The following ARFIP1 variants were observed in gnomAD, a reference collection of about 807,000 sequenced individuals.
ARFIP1 encodes the protein ARF interacting protein 1.
In ARFIP1, 24 loss-of-function variants were observed where a neutral mutation model predicts 42.5. That is an observed-to-expected ratio of 0.57 (90% CI 0.41 to 0.80). The LOEUF (loss-of-function observed/expected upper bound fraction) is 0.80. Among genes scored for constraint, ARFIP1 ranks in the 30% least tolerant of loss-of-function variants. The probability of loss-of-function intolerance (pLI) is 0.00; values close to 1 mark genes in which losing one functional copy is unlikely to be tolerated. For missense variants in ARFIP1, 354 were observed against 434.0 expected (o/e 0.82, Z 1.64); for synonymous variants, 141 against 153.7 (o/e 0.92, Z 0.61).
intron 1 of ARFIP1, chr4:152,796,661 G>T: frequency 1.1e-6 from 1 of 882,388 alleles, no homozygotes; most frequent in Admixed American, 2.1e-5. Context: ...TTTTTTATTT[G>T]TATTTTCTCA....
chr4:152,867,533 G>A (rs889099742), intron 3 of ARFIP1, among the ~76,000 whole-genome samples: 2 of 150,860 alleles, frequency 1.3e-5, no homozygotes, highest in South Asian at 2.1e-4. Flanking sequence ...GAGGTGAGAC[G>A]GGAGAGGGGA....
intron 6 of ARFIP1, 35 bp downstream of exon 6, chr4:152,881,219 G>T (rs1347594240): frequency 1.4e-6 from 2 of 1,460,992 alleles, no homozygotes; most frequent in Non-Finnish European, 1.9e-6. Flanking sequence ...AGGGATGGGA[G>T]AAAATGATAA....
intron 8 of ARFIP1, among the ~76,000 whole-genome samples, chr4:152,908,767 A>G (rs1289583601): frequency 1.3e-5 from 2 of 152,132 alleles, no homozygotes; most frequent in Non-Finnish European, 2.9e-5. Flanking sequence ...TTGCCCTTGA[A>G]GCGCTCCCTA....
intron 7 of ARFIP1, among the ~76,000 whole-genome samples, chr4:152,887,827 T>C (rs1043529293): frequency 6.6e-6 from 1 of 152,072 alleles, no homozygotes; most frequent in African/African-American, 2.4e-5. Flanking sequence ...GTATTTATTC[T>C]ACCCTTGATC....
At chr4:152,872,036 C>T (rs1412570501) in intron 4 of ARFIP1, among the ~76,000 whole-genome samples, 1 of 152,108 alleles carries the variant, frequency 6.6e-6, no homozygotes, top group African/African-American at 2.4e-5. Flanking sequence ...CTGCACATTA[C>T]AGTGAAAGAT....
chr4:152,858,647 C>G (rs1170808496), intron 2 of ARFIP1, among the ~76,000 whole-genome samples: 3 of 152,122 alleles, frequency 2.0e-5, no homozygotes, highest in Non-Finnish European at 4.4e-5. Flanking sequence ...TTTATCTATT[C>G]AAATATTTAT....
intron 5 of ARFIP1, among the ~76,000 whole-genome samples, chr4:152,880,123 G>T (rs1173516709): frequency 6.6e-6 from 1 of 152,170 alleles, no homozygotes; most frequent in East Asian, 1.9e-4. Context: ...AGGTTGATCA[G>T]TTGAGCCCAG....
intron 8 of ARFIP1, among the ~76,000 whole-genome samples, chr4:152,897,158 A>G (rs1257203250): frequency 2.0e-5 from 3 of 152,220 alleles, no homozygotes; most frequent in Non-Finnish European, 4.4e-5. Context: ...CCATACAACC[A>G]AAAAGAATTG....
chr4:152,864,093 TAC>T (rs1375440810), intron 3 of ARFIP1, among the ~76,000 whole-genome samples: 1 of 152,202 alleles, frequency 6.6e-6, no homozygotes, highest in Non-Finnish European at 1.5e-5. Context: ...ATGAACTTTT[TAC>T]GTTATATAGG....
At chr4:152,854,286 A>G (rs978496266) in intron 2 of ARFIP1, among the ~76,000 whole-genome samples, 16 of 152,182 alleles carry the variant, frequency 1.1e-4, no homozygotes, top group African/African-American at 3.6e-4. Context: ...TATTTCAAGC[A>G]ATGAATTCTT....
chr4:152,864,575 A>G (rs556446412), intron 3 of ARFIP1, among the ~76,000 whole-genome samples: 1 of 152,348 alleles, frequency 6.6e-6, no homozygotes, highest in South Asian at 2.1e-4. Context: ...AGGGAAGCTC[A>G]TTTGAAACTC....
intron 8 of ARFIP1, among the ~76,000 whole-genome samples, chr4:152,889,348 G>T (rs1736528913): frequency 1.3e-5 from 2 of 151,086 alleles, no homozygotes; most frequent in African/African-American, 4.9e-5. Context: ...GCTGCTATGG[G>T]TGAAAATTAC....
chr4:152,829,602 C>CT, intron 1 of ARFIP1, 23 bp from the exon 2 acceptor site: 2 of 1,550,192 alleles, frequency 1.3e-6, no homozygotes, highest in Non-Finnish European at 1.8e-6. Context: ...AGTTACGGCG[C>CT]TTTTTTTCTT....
intron 1 of ARFIP1, among the ~76,000 whole-genome samples, chr4:152,815,991 G>A (rs1325750529): frequency 6.6e-6 from 1 of 151,940 alleles, no homozygotes; most frequent in South Asian, 2.1e-4. Context: ...TGTTCCGCCC[G>A]CCTCAGCCTC....
chr4:152,821,381 T>G (rs1730353692), intron 1 of ARFIP1, among the ~76,000 whole-genome samples: 1 of 152,074 alleles, frequency 6.6e-6, no homozygotes. Flanking sequence ...CTAGACCAAG[T>G]AGGAAAAAGA....
intron 2 of ARFIP1, among the ~76,000 whole-genome samples, chr4:152,857,051 A>G (rs566382578): frequency 9.2e-5 from 14 of 152,346 alleles, no homozygotes; most frequent in Admixed American, 1.3e-4. Flanking sequence ...AAATGAACAG[A>G]CTTGGAGACT....
At chr4:152,894,731 A>G (rs1454569808) in intron 8 of ARFIP1, among the ~76,000 whole-genome samples, 1 of 152,252 alleles carries the variant, frequency 6.6e-6, no homozygotes, top group Non-Finnish European at 1.5e-5. Flanking sequence ...AAATATTATT[A>G]CATACATTTG....
At chr4:152,886,036 T>C (rs190541739) in intron 7 of ARFIP1, among the ~76,000 whole-genome samples, 1 of 152,176 alleles carries the variant, frequency 6.6e-6, no homozygotes, top group East Asian at 1.9e-4. Context: ...TCAGCTTGGC[T>C]CCTGAACCCA....
intron 2 of ARFIP1, among the ~76,000 whole-genome samples, chr4:152,859,243 T>G (rs1733683834): frequency 6.6e-6 from 1 of 152,060 alleles, no homozygotes; most frequent in Admixed American, 6.6e-5. Context: ...TTGTATTTTT[T>G]TAGAGTTGGG....
Sources: gnomAD v4.1 joint callset for allele counts (sites outside exome capture counted in the v4.1 genomes callset) on GRCh38, gnomAD v4.1.1 for gene constraint, MANE v1.5 for transcripts, NCBI Gene and HGNC (gene_info 2026-07-23, HGNC 2026-07-21) for gene names.